LITAF: variants seen among roughly 807,000 people sequenced by gnomAD.
The protein encoded by LITAF is lipopolysaccharide-induced tumor necrosis factor-alpha factor.
LITAF carries 9 observed loss-of-function variants against 14.5 expected under a neutral mutation model. That is an observed-to-expected ratio of 0.62 (90% CI 0.37 to 1.08). LITAF has a LOEUF of 1.08. Ranked by LOEUF, LITAF falls within the 50% of genes least tolerant of loss-of-function variation. The pLI, the probability that LITAF is intolerant of heterozygous loss-of-function variation, is 0.01. For missense variants in LITAF, 206 were observed against 213.4 expected (o/e 0.97, Z 0.22); for synonymous variants, 98 against 88.2 (o/e 1.11, Z -0.62).
chr16:11,618,143 A>G (rs1028180489), intron 3 of LITAF, among the ~76,000 whole-genome samples: 2 of 152,182 alleles, frequency 1.3e-5, no homozygotes, highest in African/African-American at 4.8e-5. Flanking sequence ...CTGGGATTAC[A>G]GGCGTGAGCC....
chr16:11,579,905 T>C (rs921039890), intron 1 of LITAF, among the ~76,000 whole-genome samples: 6 of 152,202 alleles, frequency 3.9e-5, no homozygotes, highest in African/African-American at 1.4e-4. Flanking sequence ...GATCTATTTC[T>C]TTGGCATATA....
intron 2 of LITAF, among the ~76,000 whole-genome samples, chr16:11,633,877 T>C (rs1451607088): frequency 1.3e-5 from 2 of 152,196 alleles, no homozygotes; most frequent in African/African-American, 4.8e-5. Context: ...GGGACCCCTT[T>C]CTGGTAACAG....
At chr16:11,596,753 G>A (rs1482953727) in intron 1 of LITAF, among the ~76,000 whole-genome samples, 1 of 99,486 alleles carries the variant, frequency 1.0e-5, no homozygotes. Flanking sequence ...AGGAGGAAGA[G>A]AAGAAGGGAG....
upstream of LITAF, among the ~76,000 whole-genome samples, chr16:11,589,725 C>G (rs990616699): frequency 8.1e-5 from 12 of 148,580 alleles, no homozygotes; most frequent in African/African-American, 3.0e-4. Flanking sequence ...CTCAGGCGAT[C>G]CTCCCACCTC....
At chr16:11,569,751 G>C (rs1223827732) in intron 1 of LITAF, among the ~76,000 whole-genome samples, 1 of 152,172 alleles carries the variant, frequency 6.6e-6, no homozygotes, top group African/African-American at 2.4e-5. Flanking sequence ...AAGACAATGG[G>C]GCCAAGCGTG....
intron 3 of LITAF, among the ~76,000 whole-genome samples, chr16:11,613,040 G>C (rs1483873355): frequency 6.6e-6 from 1 of 151,960 alleles, no homozygotes; most frequent in African/African-American, 2.4e-5. Context: ...TTTTTTATTT[G>C]TTTTTTGGGG....
chr16:11,618,989 A>G lies in LITAF; in HGVS notation c.85+14544T>C, dbSNP rs75537925. Among the ~76,000 whole-genome samples the G allele has an allele frequency of 0.013, 1,747 of 133,034 alleles. 74 individuals carry two copies. In the East Asian group the frequency reaches 0.16, roughly 12 times the overall value. 87.3% of individuals were successfully genotyped at this position (133,034 alleles called of 152,430 possible). ...CAGAGCTAGACTCGGTCTTAAAAAA[A>G]AAACAAAACAAACAAACAAACAAAA... On this transcript the variant is annotated intron_variant, in intron 3 of 3. Coordinates refer to the LITAF transcript ENST00000574848.
At position 11,586,345 on chromosome 16, in the gene LITAF, C is replaced by G. The variant is rs2064807493; in HGVS notation, c.-6+541G>C. The G allele has an allele frequency of 6.6e-6, 1 of 152,264 alleles. No homozygotes were observed. The highest frequency in any genetic ancestry group is 1.5e-5 in the Non-Finnish European group (1 of 68,068). 9.4% of individuals were successfully genotyped at this position (152,264 alleles called of 1,614,324 possible). On this transcript the variant is annotated intron_variant, in intron 1 of 3. Transcript: ENST00000622633. This position sits in a 1 kb window ranked among gnomAD's most constrained non-coding sequence, Gnocchi z 6.5. ...CCTCGGGTGTCCTTCCCGGATCTTG[C>G]GCGAAGTCGCGGGGGCAGGGAGAGA...
At chr16:11,601,396 G>C (rs1409561824), upstream of LITAF, among the ~76,000 whole-genome samples, 2 of 152,110 alleles carry the variant, frequency 1.3e-5, no homozygotes, top group South Asian at 2.1e-4. Context: ...AAATCCCAGA[G>C]GGAAGGGGGC....
chr16:11,563,577 A>C (rs1597339882), intron 1 of LITAF, among the ~76,000 whole-genome samples: 2 of 152,248 alleles, frequency 1.3e-5, no homozygotes, highest in South Asian at 4.1e-4. Context: ...TTTACTGTGC[A>C]CTTTTATGCC....
At chr16:11,578,614 A>G (rs2064682443) in intron 1 of LITAF, among the ~76,000 whole-genome samples, 1 of 152,192 alleles carries the variant, frequency 6.6e-6, no homozygotes, top group Non-Finnish European at 1.5e-5. Context: ...ATTAATTAAC[A>G]TCAGGAATAC....
intron 3 of LITAF, among the ~76,000 whole-genome samples, chr16:11,607,299 G>A (rs1171224592): frequency 6.6e-6 from 1 of 152,236 alleles, no homozygotes; most frequent in Non-Finnish European, 1.5e-5. Context: ...CTGCAGAGCT[G>A]TGTCGAGAAC....
At chr16:11,584,341 T>C (rs1003802904) in intron 1 of LITAF, 2 of 152,144 alleles carry the variant, frequency 1.3e-5, no homozygotes, top group Admixed American at 6.5e-5. Flanking sequence ...TCCTATTCAG[T>C]GGGAGAAGTT....
intron 3 of LITAF, among the ~76,000 whole-genome samples, chr16:11,626,617 C>T (rs753987146): frequency 1.3e-5 from 2 of 152,116 alleles, no homozygotes; most frequent in Non-Finnish European, 2.9e-5. Context: ...GGATTACAGG[C>T]GTGAGCCACC....
At chr16:11,594,466 T>C (rs919054319) in intron 1 of LITAF, among the ~76,000 whole-genome samples, 1 of 152,072 alleles carries the variant, frequency 6.6e-6, no homozygotes, top group African/African-American at 2.4e-5. Flanking sequence ...AGACATGAAG[T>C]GGCCACAGGA....
At chr16:11,637,994 CTATATATATCTATATATATCTATATA>C (rs2065147158), upstream of LITAF, among the ~76,000 whole-genome samples, 1 of 41,966 alleles carries the variant, frequency 2.4e-5, no homozygotes, top group African/African-American at 1.8e-4. Context: ...CTATATATAT[CTATATATATCTATATATATCTATATA>C]TATCTATATA....
chr16:11,588,529 AAAG>A (rs2064829070), upstream of LITAF, among the ~76,000 whole-genome samples: 1 of 136,258 alleles, frequency 7.3e-6, no homozygotes, highest in African/African-American at 2.6e-5. Flanking sequence ...AAGAAAAAAA[AAAG>A]AAAGAAAAAG....
At chr16:11,552,186 C>T (rs2064191999) in intron 3 of LITAF, among the ~76,000 whole-genome samples, 1 of 152,192 alleles carries the variant, frequency 6.6e-6, no homozygotes, top group African/African-American at 2.4e-5. Context: ...CTGAAACTCA[C>T]AAACACCGTT....
intron 1 of LITAF, among the ~76,000 whole-genome samples, chr16:11,574,959 C>T (rs998528757): frequency 2.6e-5 from 4 of 152,204 alleles, no homozygotes; most frequent in South Asian, 2.1e-4. Context: ...CATGCCACCA[C>T]GCTCAGCTCA....
Sources: gnomAD v4.1 joint callset for allele counts (sites outside exome capture counted in the v4.1 genomes callset) on GRCh38, gnomAD v4.1.1 for gene constraint, Gnocchi (gnomAD v3.1) non-coding constraint, MANE v1.5 for transcripts, NCBI Gene and HGNC (gene_info 2026-07-23, HGNC 2026-07-21) for gene names.